The following SPTLC2 variants were observed in gnomAD, a reference collection of about 807,000 sequenced individuals.
The protein encoded by SPTLC2 is serine palmitoyltransferase 2.
Under a neutral mutation model 62.0 loss-of-function variants are expected in SPTLC2, and 21 were observed. The ratio of observed to expected loss-of-function variants is 0.34; its 90% confidence interval spans 0.24 to 0.49. The LOEUF is 0.49. SPTLC2 is among the 20% of genes least tolerant of loss of function. SPTLC2 has a pLI of 0.99. For synonymous variants in SPTLC2, 261 were observed against 261.8 expected, an observed-to-expected ratio of 1.00 and a Z score of 0.03; for missense variants, 511 against 713.0, an observed-to-expected ratio of 0.72 and a Z score of 3.23.
intron 9 of SPTLC2, chr14:77,535,677 A>G: frequency 8.9e-6 from 2 of 225,614 alleles, no homozygotes; most frequent in Non-Finnish European, 8.8e-6. Flanking sequence ...TGCTTAGAAA[A>G]GGGGTCGTGG....
At chr14:77,573,040 T>C (rs920241489) in intron 4 of SPTLC2, among the ~76,000 whole-genome samples, 2 of 152,196 alleles carry the variant, frequency 1.3e-5, no homozygotes, top group African/African-American at 4.8e-5. Flanking sequence ...TTCGAGAACT[T>C]TTTTTGCATT....
intron 1 of SPTLC2, among the ~76,000 whole-genome samples, chr14:77,598,449 G>C (rs1390264575): frequency 6.6e-6 from 1 of 152,174 alleles, no homozygotes; most frequent in African/African-American, 2.4e-5. Flanking sequence ...AAGTTCAAAA[G>C]TAAATTCAGC....
chr14:77,520,110 G>A (rs2079378702), intron 10 of SPTLC2, among the ~76,000 whole-genome samples: 1 of 148,162 alleles, frequency 6.7e-6, no homozygotes, highest in African/African-American at 2.5e-5. Flanking sequence ...ACAGTCAGTT[G>A]CACCTATGTA....
At chr14:77,553,749 A>AAAAAAAAT (rs1566778022) in intron 8 of SPTLC2, among the ~76,000 whole-genome samples, 1 of 150,946 alleles carries the variant, frequency 6.6e-6, no homozygotes. Context: ...AAAAAAAAAA[A>AAAAAAAAT]ATCTATCAAA....
intron 2 of SPTLC2, among the ~76,000 whole-genome samples, chr14:77,592,102 C>A (rs1025947590): frequency 1.3e-5 from 2 of 151,530 alleles, no homozygotes; most frequent in African/African-American, 4.8e-5. Context: ...TAGCTTAATG[C>A]ACCAAAATGA....
intron 9 of SPTLC2, among the ~76,000 whole-genome samples, chr14:77,537,699 T>C (rs1328804015): frequency 3.3e-5 from 5 of 152,242 alleles, no homozygotes; most frequent in Admixed American, 3.3e-4. Flanking sequence ...CTAGTAACTA[T>C]GTGTCCTTGG....
intron 2 of SPTLC2, among the ~76,000 whole-genome samples, chr14:77,586,883 T>C (rs1042552819): frequency 2.4e-4 from 36 of 152,168 alleles, no homozygotes; most frequent in African/African-American, 8.7e-4. Flanking sequence ...CCAATTGAAC[T>C]GGCAAAAATT....
At chr14:77,590,268 A>T (rs1397496248) in intron 2 of SPTLC2, among the ~76,000 whole-genome samples, 1 of 152,208 alleles carries the variant, frequency 6.6e-6, no homozygotes, top group Non-Finnish European at 1.5e-5. Context: ...GTGAGCTAAC[A>T]CGCCTGGCCT....
At chr14:77,527,446 C>T (rs1214465641) in intron 9 of SPTLC2, among the ~76,000 whole-genome samples, 1 of 152,100 alleles carries the variant, frequency 6.6e-6, no homozygotes, top group Admixed American at 6.6e-5. Context: ...TACTGATAAC[C>T]ACTAGATATT....
At chr14:77,519,675 G>A (rs191180581) in intron 10 of SPTLC2, among the ~76,000 whole-genome samples, 228 of 152,224 alleles carry the variant, frequency 1.5e-3, no homozygotes, top group African/African-American at 5.2e-3. Flanking sequence ...CCGAGATCAC[G>A]CCATTGCACT....
At chr14:77,563,487 C>T (rs151333329) in intron 5 of SPTLC2, among the ~76,000 whole-genome samples, 3 of 152,218 alleles carry the variant, frequency 2.0e-5, no homozygotes, top group East Asian at 3.9e-4. Flanking sequence ...TGCAGTGGTG[C>T]GATCTTGGTT....
At chr14:77,589,828 A>G (rs1479671564) in intron 2 of SPTLC2, among the ~76,000 whole-genome samples, 1 of 146,654 alleles carries the variant, frequency 6.8e-6, no homozygotes, top group Admixed American at 6.8e-5. Flanking sequence ...AATACAAAAA[A>G]TTAGCTGGGC....
At chr14:77,533,030 G>A (rs1275694998) in intron 9 of SPTLC2, among the ~76,000 whole-genome samples, 1 of 152,104 alleles carries the variant, frequency 6.6e-6, no homozygotes, top group Non-Finnish European at 1.5e-5. Flanking sequence ...GGGCACAGTG[G>A]CTCACGCCTG....
At chr14:77,582,928 C>T (rs1021177544) in intron 2 of SPTLC2, among the ~76,000 whole-genome samples, 3 of 152,092 alleles carry the variant, frequency 2.0e-5, no homozygotes, top group Non-Finnish European at 4.4e-5. Context: ...CATGGCTGGG[C>T]GCAGTGGCTC....
At chr14:77,567,594 C>T (rs1205567947) in intron 5 of SPTLC2, among the ~76,000 whole-genome samples, 1 of 152,142 alleles carries the variant, frequency 6.6e-6, no homozygotes, top group Non-Finnish European at 1.5e-5. Context: ...GTGATGTCCC[C>T]CTCTCTCATT....
chr14:77,576,300 G>A (rs2079715352), intron 4 of SPTLC2, among the ~76,000 whole-genome samples: 1 of 152,126 alleles, frequency 6.6e-6, no homozygotes, highest in East Asian at 1.9e-4. Flanking sequence ...ATAATAAAAA[G>A]AGTTTATATT....
chr14:77,606,962 C>G (rs1351521824), intron 1 of SPTLC2, among the ~76,000 whole-genome samples: 1 of 151,146 alleles, frequency 6.6e-6, no homozygotes, highest in African/African-American at 2.4e-5. Flanking sequence ...GCACTCCAGC[C>G]TGGGTGATAG....
chr14:77,583,161 C>T (rs1390955504), intron 2 of SPTLC2, among the ~76,000 whole-genome samples: 3 of 150,734 alleles, frequency 2.0e-5, no homozygotes, highest in Non-Finnish European at 2.9e-5. Flanking sequence ...GATCGGACCA[C>T]TGCACTTTAG....
chr14:77,545,269 C>CTT (rs34363127), intron 9 of SPTLC2, among the ~76,000 whole-genome samples: 16 of 146,602 alleles, frequency 1.1e-4, no homozygotes, highest in South Asian at 4.3e-4. Context: ...GTATCGGGCA[C>CTT]TTTTTTTTTT....
Sources: gnomAD v4.1 joint callset for allele counts (sites outside exome capture counted in the v4.1 genomes callset) on GRCh38, gnomAD v4.1.1 for gene constraint, MANE v1.5 for transcripts, NCBI Gene and HGNC (gene_info 2026-07-23, HGNC 2026-07-21) for gene names.